The following CTTN variants were observed in gnomAD, a reference collection of about 807,000 sequenced individuals.
CTTN encodes the protein src substrate cortactin.
In CTTN, 28 loss-of-function variants were observed where a neutral mutation model predicts 84.0. That is an observed-to-expected ratio of 0.33 (90% CI 0.25 to 0.46). CTTN has a LOEUF of 0.46. CTTN is among the 20% of genes least tolerant of loss of function. CTTN has a pLI of 1.00. For missense variants in CTTN, 641 were observed against 723.8 expected, an observed-to-expected ratio of 0.89 and a Z score of 1.31; for synonymous variants, 301 against 288.8, an observed-to-expected ratio of 1.04 and a Z score of -0.43.
In CTTN at chr11:70,416,827, G is replaced by A. The variant is rs571450390; in HGVS notation, c.458-186G>A. On this transcript the variant is annotated intron_variant, in intron 7 of 17. Coordinates refer to ENST00000301843, the MANE Select transcript of CTTN (RefSeq NM_005231.4). ...CTGACAGGGCCCAGAACCCCCCCATGCACCTGTTGTGAAACAGGGTCCAGC... is the reference window on the plus strand; with the variant it reads ...CTGACAGGGCCCAGAACCCCCCCATACACCTGTTGTGAAACAGGGTCCAGC... 3 of 580,014 alleles carry A rather than the reference G, an allele frequency of 5.2e-6. No individual in the cohort carries two copies. The South Asian group carries it at 6.2e-5, about 12-fold the overall frequency. The allele number at this position is 580,014 out of a possible 1,614,324, so 35.9% of individuals were successfully genotyped here. A position where few individuals can be genotyped will look rare whatever the true frequency, so the allele number is the denominator to read the frequency against.
At position 70,429,345 on chromosome 11, in the gene CTTN, T is replaced by C; in HGVS notation, c.1176+146T>C. On this transcript the variant is annotated intron_variant, in intron 14 of 17. Coordinates refer to ENST00000301843, the MANE Select transcript of CTTN (RefSeq NM_005231.4). ...TTTAACTCTCCTTTAAGGCTCTCCA[T>C]TAAGGCACTTGTCACTTGCAGCCAC... 3.5e-6 allele frequency: 3 copies of C among 865,380 alleles called. No homozygotes were observed. The South Asian group carries it at 5.1e-5, about 15-fold the overall frequency. The allele number at this position is 865,380 out of a possible 1,614,324, so 53.6% of individuals were successfully genotyped here.
chr11:70,410,040 C>G, intron 5 of CTTN, 80 bp downstream of exon 5: 1 of 1,508,482 alleles, frequency 6.6e-7, no homozygotes. Context: ...GTCCCTCAGT[C>G]TTTCCTTAGA....
chr11:70,432,868 AGTGTCG>A (rs2058369678), intron 15 of CTTN, among the ~76,000 whole-genome samples: 1 of 152,080 alleles, frequency 6.6e-6, no homozygotes, highest in South Asian at 2.1e-4. Flanking sequence ...GCAGGACTGG[AGTGTCG>A]GTGGTGAGGA....
chr11:70,428,227 A>T (rs572344172), intron 13 of CTTN, among the ~76,000 whole-genome samples: 1 of 138,550 alleles, frequency 7.2e-6, no homozygotes, highest in Non-Finnish European at 1.5e-5. Context: ...GTGCAGTGGC[A>T]CAATCTCGGC....
At chr11:70,429,500 G>A (rs931897455) in intron 14 of CTTN, among the ~76,000 whole-genome samples, 4 of 152,146 alleles carry the variant, frequency 2.6e-5, no homozygotes, top group African/African-American at 7.2e-5. Flanking sequence ...GAGTCTTGTC[G>A]GCTTCCACCT....
At position 70,436,385 on chromosome 11, in the gene CTTN, A is replaced by C. The variant is rs766063811; in HGVS notation, c.*1223A>C. 1.3e-6 allele frequency: 2 copies of C among 1,598,328 alleles called. No individual in the cohort carries two copies. On this transcript the variant is annotated 3_prime_UTR_variant, in exon 18 of 18. Coordinates refer to ENST00000301843, the MANE Select transcript of CTTN (RefSeq NM_005231.4). ...GAAGGTCACGTGGAAATGTCTCGGGACTTGGGTCCCGGAGTGCCCGTGAAG... is the reference window on the plus strand; with the variant it reads ...GAAGGTCACGTGGAAATGTCTCGGGCCTTGGGTCCCGGAGTGCCCGTGAAG...
intron 5 of CTTN, among the ~76,000 whole-genome samples, chr11:70,410,675 C>G (rs936894256): frequency 6.6e-6 from 1 of 152,136 alleles, no homozygotes; most frequent in African/African-American, 2.4e-5. Flanking sequence ...TGGAAGAGAT[C>G]GCAGTGTGTT....
intron 15 of CTTN, among the ~76,000 whole-genome samples, chr11:70,432,625 C>T (rs1039497267): frequency 6.6e-6 from 1 of 152,268 alleles, no homozygotes; most frequent in African/African-American, 2.4e-5. Context: ...GATGCCCTGT[C>T]TGTAGGCTCA....
At chr11:70,404,805 C>G (rs1298501617) in intron 1 of CTTN, among the ~76,000 whole-genome samples, 2 of 152,102 alleles carry the variant, frequency 1.3e-5, no homozygotes, top group Admixed American at 6.5e-5. Flanking sequence ...GAGTTTGAGA[C>G]CAGCCTGACC....
chr11:70,407,326 T>C lies in CTTN; in HGVS notation c.29T>C (p.Val10Ala). 6.4e-7 allele frequency: 1 copy of C among 1,555,550 alleles called. No individual in the cohort carries two copies. The highest frequency in any genetic ancestry group is 8.7e-7 in the Non-Finnish European group (1 of 1,149,602). ...TGGAAAGCTTCAGCAGGCCACGCTG[T>C]GTCCATCGCCCAGGATGACGCGGGG... MWKASAGHA[V>A]SIAQDDAGAD... The change falls in exon 3 of 18, where the codon GTG becomes GCG. Residue 10 changes from valine to alanine, a missense_variant. Val to Ala is a moderately conservative substitution (Grantham distance 64, BLOSUM62 0). Transcript: ENST00000301843.
Position 70,414,655 on chromosome 11 carries a change from G to A in CTTN, c.402+3G>A. On this transcript the variant is annotated splice_donor_region_variant and intron_variant, in intron 6 of 17. Coordinates refer to ENST00000301843, the MANE Select transcript of CTTN (RefSeq NM_005231.4). ...TCCAGATGGACAGAGTTGATCAGGT[G>A]AGTGATGTGGCACTGGGACTGGGGC... 1 of 1,609,418 alleles carries A rather than the reference G, an allele frequency of 6.2e-7. No individual in the cohort carries two copies.
rs775681700 is a variant in CTTN, at chr11:70,420,390, G to A, written c.680-10G>A. The A allele has an allele frequency of 3.8e-6, 6 of 1,593,194 alleles. No homozygotes were observed. The highest frequency in any genetic ancestry group is 1.1e-5 in the South Asian group (1 of 90,700). ...TAATGATGGGTTCTGGCCTTTCATT[G>A]TGCATGTAGACTATGTGAAAGGGTT... On this transcript the variant is annotated splice_polypyrimidine_tract_variant and intron_variant, in intron 9 of 17. Coordinates refer to ENST00000301843, the MANE Select transcript of CTTN (RefSeq NM_005231.4).
At chr11:70,424,089 C>T (rs1217670042) in intron 12 of CTTN, among the ~76,000 whole-genome samples, 2 of 151,896 alleles carry the variant, frequency 1.3e-5, no homozygotes, top group African/African-American at 4.8e-5. Flanking sequence ...TGGGTGTCAG[C>T]GAGAGAGAGC....
chr11:70,436,290 TCTC>T lies in CTTN; in HGVS notation c.*1131_*1133del. The T allele has an allele frequency of 6.3e-7, 1 of 1,598,046 alleles. No individual in the cohort carries two copies. Among genetic ancestry groups the T allele is most frequent in the Non-Finnish European group, 8.5e-7 (1 of 1,179,724 alleles). On this transcript the variant is annotated 3_prime_UTR_variant, in exon 18 of 18. Coordinates refer to ENST00000301843, the MANE Select transcript of CTTN (RefSeq NM_005231.4). ...GGCCACTCACTTTGTAGGAAACTCA[TCTC>T]CTTCCTGAGGAGCCGGGAGGCTGGA...
intron 15 of CTTN, among the ~76,000 whole-genome samples, chr11:70,431,869 G>A (rs899437811): frequency 6.6e-6 from 1 of 152,060 alleles, no homozygotes; most frequent in South Asian, 2.1e-4. Flanking sequence ...CCCTGACTTT[G>A]GGTCTCCTGC....
intron 5 of CTTN, chr11:70,410,184 G>A (rs2058083268): frequency 6.4e-6 from 3 of 471,368 alleles, no homozygotes; most frequent in South Asian, 6.1e-5. Flanking sequence ...GAGCACGGGT[G>A]TTAGTGGGGA....
chr11:70,410,695 CT>C (rs2058088298), intron 5 of CTTN, among the ~76,000 whole-genome samples: 1 of 152,286 alleles, frequency 6.6e-6, no homozygotes, highest in African/African-American at 2.4e-5. Context: ...TTGCATGTTT[CT>C]TCAGTAAAAC....
intron 13 of CTTN, among the ~76,000 whole-genome samples, chr11:70,427,195 CA>C (rs1180501627): frequency 6.6e-6 from 1 of 151,874 alleles, no homozygotes; most frequent in Admixed American, 6.6e-5. Context: ...ACTAAAGATA[CA>C]AAAAGTAGCT....
intron 1 of CTTN, among the ~76,000 whole-genome samples, chr11:70,400,095 G>A (rs115648252): frequency 2.9e-3 from 444 of 152,312 alleles, no homozygotes; most frequent in African/African-American, 0.01. Flanking sequence ...TAAAAAGTTG[G>A]GGAGGCAGGG....
Sources: gnomAD v4.1 joint callset for allele counts (sites outside exome capture counted in the v4.1 genomes callset) on GRCh38, gnomAD v4.1.1 for gene constraint, MANE v1.5 for transcripts, NCBI Gene and HGNC (gene_info 2026-07-23, HGNC 2026-07-21) for gene names.